ALCAM: variants seen among roughly 807,000 people sequenced by gnomAD.
ALCAM encodes the protein activated leukocyte cell adhesion molecule.
A neutral mutation model predicts 70.9 loss-of-function variants in ALCAM; 30 were observed. That is an observed-to-expected ratio of 0.42 (90% CI 0.32 to 0.57). The LOEUF is 0.57. Ranked by LOEUF, ALCAM falls within the 20% of genes least tolerant of loss-of-function variation. The pLI, the probability that ALCAM is intolerant of heterozygous loss-of-function variation, is 0.11. For synonymous variants in ALCAM, 249 were observed against 242.5 expected (o/e 1.03, Z -0.25); for missense variants, 591 against 695.1 (o/e 0.85, Z 1.68).
At chr3:105,391,449 A>G (rs1935815340) in intron 1 of ALCAM, among the ~76,000 whole-genome samples, 1 of 152,120 alleles carries the variant, frequency 6.6e-6, no homozygotes, top group Non-Finnish European at 1.5e-5. Context: ...TTGATTTTGT[A>G]TCCTGAGACT....
At chr3:105,510,504 C>G (rs1201757394) in intron 1 of ALCAM, among the ~76,000 whole-genome samples, 1 of 152,014 alleles carries the variant, frequency 6.6e-6, no homozygotes, top group Non-Finnish European at 1.5e-5. Context: ...TTCACAGAGA[C>G]TTTTTTCCCT....
At chr3:105,428,449 T>C (rs1357173026) in intron 1 of ALCAM, among the ~76,000 whole-genome samples, 3 of 151,894 alleles carry the variant, frequency 2.0e-5, no homozygotes, top group Admixed American at 6.6e-5. Context: ...CTGGAAGAGA[T>C]TGAGTACTCC....
chr3:105,394,954 G>A (rs958593626), intron 1 of ALCAM, among the ~76,000 whole-genome samples: 3 of 152,062 alleles, frequency 2.0e-5, no homozygotes, highest in African/African-American at 7.2e-5. Flanking sequence ...GAAAGTAGTT[G>A]TAGTTTTATA....
intron 8 of ALCAM, 130 bp downstream of exon 8, chr3:105,541,895 GA>G (rs1940126405): frequency 8.7e-7 from 1 of 1,145,682 alleles, no homozygotes; most frequent in East Asian, 2.4e-5. Flanking sequence ...GCAGTAGAGA[GA>G]GAAAGCATCG....
At chr3:105,380,793 TA>T (rs937157190) in intron 1 of ALCAM, among the ~76,000 whole-genome samples, 8 of 151,906 alleles carry the variant, frequency 5.3e-5, no homozygotes, top group Non-Finnish European at 8.8e-5. Context: ...GAAACAGATT[TA>T]AAAATCTCAT....
chr3:105,461,068 G>GTA (rs1215995326), intron 1 of ALCAM, among the ~76,000 whole-genome samples: 1 of 151,360 alleles, frequency 6.6e-6, no homozygotes, highest in African/African-American at 2.4e-5. Context: ...TTACTATGAA[G>GTA]TATAATACAG....
At chr3:105,546,940 G>A (rs1040097968) in intron 9 of ALCAM, among the ~76,000 whole-genome samples, 28 of 151,354 alleles carry the variant, frequency 1.8e-4, no homozygotes, top group Non-Finnish European at 3.6e-4. Flanking sequence ...TTCAGTAAAT[G>A]AAAGAGCGTG....
intron 14 of ALCAM, among the ~76,000 whole-genome samples, chr3:105,570,346 A>G (rs1361639958): frequency 6.6e-6 from 1 of 152,198 alleles, no homozygotes; most frequent in Non-Finnish European, 1.5e-5. Context: ...TATATCTTTC[A>G]GTTCCAAAAT....
intron 8 of ALCAM, chr3:105,544,879 G>A (rs865787753): frequency 3.8e-6 from 1 of 263,982 alleles, no homozygotes; most frequent in African/African-American, 2.3e-5. Context: ...TATTTACCTA[G>A]TCATCATCTT....
rs563218010 is a variant in ALCAM, at chr3:105,370,642, G to A, written c.73+3161G>A. 5.1e-4 allele frequency among the ~76,000 whole-genome samples: 78 copies of A among 151,928 alleles called. 1 individual carries two copies. In the South Asian group the frequency reaches 0.013, roughly 25 times the overall value. On this transcript the variant is annotated intron_variant, in intron 1 of 15. Coordinates refer to ENST00000306107, the MANE Select transcript of ALCAM (RefSeq NM_001627.4). ...AAATTGTATTATTAGAAAAGTATCAGTAGACCCCAATTTCTAATTTCCTTT... is the reference window on the plus strand; with the variant it reads ...AAATTGTATTATTAGAAAAGTATCAATAGACCCCAATTTCTAATTTCCTTT...
chr3:105,427,011 G>A (rs1232672627), intron 1 of ALCAM, among the ~76,000 whole-genome samples: 1 of 151,888 alleles, frequency 6.6e-6, no homozygotes, highest in Non-Finnish European at 1.5e-5. Flanking sequence ...AAGTGGGACT[G>A]TTCTGTCCTA....
intron 1 of ALCAM, among the ~76,000 whole-genome samples, chr3:105,500,498 A>G (rs1395871042): frequency 1.3e-5 from 2 of 152,154 alleles, no homozygotes; most frequent in Non-Finnish European, 2.9e-5. Context: ...TAATATACGA[A>G]AGTTAATTTT....
At chr3:105,437,639 A>G (rs1190830338) in intron 1 of ALCAM, among the ~76,000 whole-genome samples, 2 of 152,078 alleles carry the variant, frequency 1.3e-5, no homozygotes, top group Non-Finnish European at 2.9e-5. Context: ...TACATATATC[A>G]TCTTTCTAGG....
At chr3:105,405,259 A>C (rs1936193740) in intron 1 of ALCAM, among the ~76,000 whole-genome samples, 1 of 144,200 alleles carries the variant, frequency 6.9e-6, no homozygotes, top group Non-Finnish European at 1.5e-5. Context: ...CCTGGACAAC[A>C]AGAGCAAAAC....
intron 1 of ALCAM, among the ~76,000 whole-genome samples, chr3:105,426,029 A>G (rs1253414936): frequency 4.6e-5 from 7 of 151,776 alleles, no homozygotes; most frequent in Non-Finnish European, 1.0e-4. Flanking sequence ...TCACAGCAAA[A>G]CTAAGCTTTA....
At chr3:105,393,389 A>T (rs1427306661) in intron 1 of ALCAM, among the ~76,000 whole-genome samples, 1 of 151,872 alleles carries the variant, frequency 6.6e-6, no homozygotes, top group Admixed American at 6.6e-5. Context: ...TGTTATGGCG[A>T]GCAAGTATGA....
intron 1 of ALCAM, among the ~76,000 whole-genome samples, chr3:105,476,745 T>C (rs942785202): frequency 6.6e-6 from 1 of 152,054 alleles, no homozygotes; most frequent in African/African-American, 2.4e-5. Flanking sequence ...CTTTGTTCTT[T>C]CGTTTAGTCT....
At chr3:105,534,571 A>T (rs1939922246) in intron 5 of ALCAM, 92 bp from the exon 6 acceptor site, 8 of 1,295,908 alleles carry the variant, frequency 6.2e-6, no homozygotes, top group Non-Finnish European at 8.9e-6. Context: ...TAGAAGGAAA[A>T]AAAACACTTC....
intron 1 of ALCAM, among the ~76,000 whole-genome samples, chr3:105,444,025 T>C (rs1369393714): frequency 6.6e-6 from 1 of 152,214 alleles, no homozygotes; most frequent in Non-Finnish European, 1.5e-5. Context: ...AGTAACCACC[T>C]CTAATTTCTT....
Sources: gnomAD v4.1 joint callset for allele counts (sites outside exome capture counted in the v4.1 genomes callset) on GRCh38, gnomAD v4.1.1 for gene constraint, MANE v1.5 for transcripts, NCBI Gene and HGNC (gene_info 2026-07-23, HGNC 2026-07-21) for gene names.